Variants in PARD3B observed in about 807,000 individuals in gnomAD.
PARD3B encodes the protein partitioning defective 3 homolog B.
In PARD3B, 103 loss-of-function variants were observed where a neutral mutation model predicts 130.2. That is an observed-to-expected ratio of 0.79 (90% CI 0.67 to 0.93). PARD3B has a LOEUF of 0.93. Ranked by LOEUF, PARD3B falls within the 40% of genes least tolerant of loss-of-function variation. PARD3B has a pLI of 0.00. For missense variants in PARD3B, 1,609 were observed against 1,499.2 expected (o/e 1.07, Z -1.21); for synonymous variants, 583 against 553.2 (o/e 1.05, Z -0.76).
At chr2:205,532,313 CT>C (rs2051634872) in intron 21 of PARD3B, among the ~76,000 whole-genome samples, 1 of 151,612 alleles carries the variant, frequency 6.6e-6, no homozygotes, top group Admixed American at 6.6e-5. Context: ...GTTTAGTCAC[CT>C]AGTCCCATCA....
At position 205,189,869 on chromosome 2, in the gene PARD3B, G is replaced by C. The variant is rs893057079; in HGVS notation, c.2025-3336G>C. On this transcript the variant is annotated intron_variant, in intron 14 of 22. Coordinates refer to ENST00000406610, the MANE Select transcript of PARD3B (RefSeq NM_001302769.2). ...ATTTCCATTTTGTACCGCAGCAAAG[G>C]GGGGGCCCTTTTATGAAACGTTTTC... 5.5e-5 allele frequency among the ~76,000 whole-genome samples: 5 copies of C among 90,120 alleles called. 1 individual carries two copies. In the South Asian group the frequency reaches 1.2e-3, roughly 22 times the overall value. The allele number at this position is 90,120 out of a possible 152,430, so 59.1% of individuals were successfully genotyped here. A position where few individuals can be genotyped will look rare whatever the true frequency, so the allele number is the denominator to read the frequency against.
chr2:205,102,689 C>G (rs898837659), intron 4 of PARD3B, among the ~76,000 whole-genome samples: 1 of 152,160 alleles, frequency 6.6e-6, no homozygotes, highest in African/African-American at 2.4e-5. Flanking sequence ...TGTTGCTACT[C>G]AATCTAAAAG....
chr2:204,647,839 G>C (rs2035327432), intron 1 of PARD3B, among the ~76,000 whole-genome samples: 1 of 151,482 alleles, frequency 6.6e-6, no homozygotes, highest in Admixed American at 6.6e-5. Context: ...GTAACAGAAA[G>C]GCAGAACATC....
At chr2:204,827,982 C>T (rs1359642978) in intron 2 of PARD3B, among the ~76,000 whole-genome samples, 1 of 152,104 alleles carries the variant, frequency 6.6e-6, no homozygotes, top group African/African-American at 2.4e-5. Flanking sequence ...GGGAGGTGGG[C>T]GGTTGTAACT....
At chr2:205,164,784 C>T (rs35360565) in intron 11 of PARD3B, among the ~76,000 whole-genome samples, 55 of 150,262 alleles carry the variant, frequency 3.7e-4, no homozygotes, top group Non-Finnish European at 6.7e-4. Flanking sequence ...AAGCTATATT[C>T]GTCTTCATTA....
At chr2:205,398,217 C>G (rs2046101824) in intron 18 of PARD3B, among the ~76,000 whole-genome samples, 1 of 152,122 alleles carries the variant, frequency 6.6e-6, no homozygotes. Context: ...AGGAGAATCG[C>G]TTGAACCCGA....
chr2:205,542,380 G>GTGTGTA (rs1392791104), intron 21 of PARD3B, among the ~76,000 whole-genome samples: 5 of 147,646 alleles, frequency 3.4e-5, no homozygotes, highest in East Asian at 2.1e-4. Flanking sequence ...GTGTGTGTGT[G>GTGTGTA]TGTATGTATG....
intron 18 of PARD3B, among the ~76,000 whole-genome samples, chr2:205,311,010 C>G (rs1311240731): frequency 1.3e-5 from 2 of 152,170 alleles, no homozygotes; most frequent in African/African-American, 4.8e-5. Context: ...GCTTGAGCCA[C>G]CATGCCCAGC....
Position 205,616,246 on chromosome 2 carries a change from G to C in PARD3B, c.*433G>C, listed in dbSNP as rs2055432278. Reference sequence around the variant, plus strand: ...TGCCAGGCAGCATTACCCGCTCCGAGGTGGAGCCTCAGCCCCCTTCTTAGA... The same window carrying C: ...TGCCAGGCAGCATTACCCGCTCCGACGTGGAGCCTCAGCCCCCTTCTTAGA... On this transcript the variant is annotated 3_prime_UTR_variant, in exon 23 of 23. Transcript: ENST00000406610. The C allele has an allele frequency of 6.0e-6, 1 of 165,300 alleles. No homozygotes were observed. Among genetic ancestry groups the C allele is most frequent in the African/African-American group, 2.4e-5 (1 of 41,764 alleles). 10.2% of individuals were successfully genotyped at this position (165,300 alleles called of 1,614,324 possible).
intron 3 of PARD3B, among the ~76,000 whole-genome samples, chr2:205,000,168 C>T (rs748697499): frequency 6.6e-6 from 1 of 152,174 alleles, no homozygotes; most frequent in African/African-American, 2.4e-5. Flanking sequence ...GCAGATACCA[C>T]ATGCTAGAAG....
Position 205,111,305 on chromosome 2 carries a change from T to G in PARD3B, c.594-2186T>G, listed in dbSNP as rs529486446. Reference sequence around the variant, plus strand: ...TCAAAAATGCTTCTAGCTACAAAATTGCAACTATTGTGTGTAATGGTAGAA... The same window carrying G: ...TCAAAAATGCTTCTAGCTACAAAATGGCAACTATTGTGTGTAATGGTAGAA... On this transcript the variant is annotated intron_variant, in intron 5 of 22. Coordinates refer to ENST00000406610, the MANE Select transcript of PARD3B (RefSeq NM_001302769.2). Among the ~76,000 whole-genome samples, 8 of 152,162 alleles carry G rather than the reference T, an allele frequency of 5.3e-5. No individual in the cohort carries two copies. In the South Asian group the frequency reaches 1.7e-3, roughly 32 times the overall value.
chr2:204,583,439 C>T (rs2032667287), intron 1 of PARD3B, among the ~76,000 whole-genome samples: 1 of 110,322 alleles, frequency 9.1e-6, no homozygotes, highest in South Asian at 3.5e-4. Context: ...ATCACATGGT[C>T]ACAGGAAGGG....
intron 2 of PARD3B, among the ~76,000 whole-genome samples, chr2:204,801,257 A>G (rs2042557797): frequency 6.6e-6 from 1 of 152,192 alleles, no homozygotes; most frequent in Non-Finnish European, 1.5e-5. Flanking sequence ...GAAGAAAGTC[A>G]GTCGTAGCTT....
At chr2:205,139,124 G>A (rs1415296449) in intron 10 of PARD3B, among the ~76,000 whole-genome samples, 1 of 151,870 alleles carries the variant, frequency 6.6e-6, no homozygotes, top group Non-Finnish European at 1.5e-5. Flanking sequence ...AGATACCATG[G>A]AGTAAACAAG....
At chr2:205,523,462 G>A (rs750507432) in intron 21 of PARD3B, among the ~76,000 whole-genome samples, 8 of 151,468 alleles carry the variant, frequency 5.3e-5, no homozygotes, top group South Asian at 4.2e-4. Flanking sequence ...CAGGCTGGTC[G>A]TACCATATTT....
At chr2:205,602,900 C>A (rs1042054437) in intron 22 of PARD3B, among the ~76,000 whole-genome samples, 1 of 152,050 alleles carries the variant, frequency 6.6e-6, no homozygotes, top group East Asian at 1.9e-4. Context: ...TTGCCTTCTT[C>A]TAGCTTTGGG....
At chr2:204,873,572 C>G (rs1398167739) in intron 2 of PARD3B, among the ~76,000 whole-genome samples, 2 of 152,144 alleles carry the variant, frequency 1.3e-5, no homozygotes, top group African/African-American at 4.8e-5. Flanking sequence ...GTCTGTGCAT[C>G]CATAGAATAC....
chr2:204,837,947 A>G (rs1038939284), intron 2 of PARD3B, among the ~76,000 whole-genome samples: 2 of 152,124 alleles, frequency 1.3e-5, no homozygotes, highest in African/African-American at 4.8e-5. Context: ...CATTCAGCAG[A>G]ACTATCTGGA....
chr2:204,791,487 T>C (rs972493365), intron 2 of PARD3B, among the ~76,000 whole-genome samples: 1 of 152,250 alleles, frequency 6.6e-6, no homozygotes, highest in African/African-American at 2.4e-5. Context: ...CTCATTGTTT[T>C]ACTCTACTTC....
Sources: gnomAD v4.1 joint callset for allele counts (sites outside exome capture counted in the v4.1 genomes callset) on GRCh38, gnomAD v4.1.1 for gene constraint, MANE v1.5 for transcripts, NCBI Gene and HGNC (gene_info 2026-07-23, HGNC 2026-07-21) for gene names.